The following MGAT4C variants were observed in gnomAD, a reference collection of about 807,000 sequenced individuals.
MGAT4C encodes the protein alpha-1,3-mannosyl-glycoprotein 4-beta-N-acetylglucosaminyltransferase C.
MGAT4C carries 19 observed loss-of-function variants against 40.1 expected under a neutral mutation model. The observed-to-expected ratio is 0.47, with a 90% confidence interval of 0.33 to 0.70. MGAT4C has a LOEUF of 0.70. Among genes scored for constraint, MGAT4C ranks in the 30% least tolerant of loss-of-function variants. The pLI is 0.02. For synonymous variants in MGAT4C, 181 were observed against 187.1 expected (o/e 0.97, Z 0.27); for missense variants, 491 against 563.2 (o/e 0.87, Z 1.30).
intron 3 of MGAT4C, among the ~76,000 whole-genome samples, chr12:86,356,659 A>T (rs929994524): frequency 1.3e-5 from 2 of 152,126 alleles, no homozygotes; most frequent in Non-Finnish European, 2.9e-5. Flanking sequence ...AGCAAATGGC[A>T]CACCAGGAGA....
chr12:86,632,771 G>A (rs1267876693), intron 2 of MGAT4C, among the ~76,000 whole-genome samples: 1 of 150,266 alleles, frequency 6.7e-6, no homozygotes, highest in African/African-American at 2.5e-5. Flanking sequence ...GTGGGGGGAT[G>A]GGGGAGGGAT....
intron 2 of MGAT4C, among the ~76,000 whole-genome samples, chr12:86,029,649 T>A (rs1234052920): frequency 6.6e-6 from 1 of 151,982 alleles, no homozygotes; most frequent in Non-Finnish European, 1.5e-5. Context: ...TCTATTTTCA[T>A]TTTCTTCAAC....
At chr12:86,430,597 G>A (rs147117193) in intron 3 of MGAT4C, among the ~76,000 whole-genome samples, 1 of 152,242 alleles carries the variant, frequency 6.6e-6, no homozygotes, top group Non-Finnish European at 1.5e-5. Context: ...GAGTTGCTGG[G>A]TGAGTACTGT....
intron 2 of MGAT4C, among the ~76,000 whole-genome samples, chr12:86,450,066 G>T (rs370199095): frequency 6.0e-4 from 91 of 152,092 alleles, no homozygotes; most frequent in African/African-American, 2.1e-3. Context: ...TTTGAACATT[G>T]TATCTCATTT....
chr12:86,175,194 T>G (rs547136188), intron 1 of MGAT4C, among the ~76,000 whole-genome samples: 1 of 152,300 alleles, frequency 6.6e-6, no homozygotes, highest in African/African-American at 2.4e-5. Context: ...TTTTGAAGTC[T>G]TTGTAAAAAA....
At chr12:86,266,349 T>C (rs975241747) in intron 4 of MGAT4C, among the ~76,000 whole-genome samples, 1 of 152,102 alleles carries the variant, frequency 6.6e-6, no homozygotes, top group African/African-American at 2.4e-5. Context: ...ATCATGAAAA[T>C]ATGTTGAATT....
At chr12:86,045,407 T>C (rs1665516839) in intron 2 of MGAT4C, among the ~76,000 whole-genome samples, 1 of 152,134 alleles carries the variant, frequency 6.6e-6, no homozygotes, top group Non-Finnish European at 1.5e-5. Context: ...TATGCATTAC[T>C]TGCATGACTC....
At chr12:86,154,920 G>A (rs1346403970) in intron 1 of MGAT4C, among the ~76,000 whole-genome samples, 2 of 151,990 alleles carry the variant, frequency 1.3e-5, no homozygotes, top group African/African-American at 4.8e-5. Flanking sequence ...ATATTACGGT[G>A]GAAATAAGAC....
At chr12:86,308,627 T>C in intron 4 of MGAT4C, among the ~76,000 whole-genome samples, 1 of 150,610 alleles carries the variant, frequency 6.6e-6, no homozygotes, top group East Asian at 1.9e-4. Context: ...TTTCAGTAAA[T>C]AGATTTTTAA....
chr12:86,430,197 G>T (rs1957005827), intron 3 of MGAT4C, among the ~76,000 whole-genome samples: 1 of 151,692 alleles, frequency 6.6e-6, no homozygotes, highest in Non-Finnish European at 1.5e-5. Context: ...ATATTTTCTG[G>T]TACTCCATGC....
chr12:86,647,707 T>C (rs184247802), intron 2 of MGAT4C, among the ~76,000 whole-genome samples: 1 of 151,986 alleles, frequency 6.6e-6, no homozygotes, highest in Admixed American at 6.6e-5. Context: ...TAACAAGTAT[T>C]TTGTGGAATG....
At chr12:86,289,351 G>A (rs1953443473) in intron 4 of MGAT4C, among the ~76,000 whole-genome samples, 1 of 152,054 alleles carries the variant, frequency 6.6e-6, no homozygotes, top group African/African-American at 2.4e-5. Context: ...GATGCCTCGG[G>A]CTGTGTTCTT....
chr12:86,149,197 A>T (rs1017123443), intron 1 of MGAT4C, among the ~76,000 whole-genome samples: 5 of 151,934 alleles, frequency 3.3e-5, no homozygotes, highest in Admixed American at 1.3e-4. Flanking sequence ...TTACTTTTAA[A>T]TTTTTTTCAT....
chr12:86,393,301 C>A (rs1956189441), intron 3 of MGAT4C, among the ~76,000 whole-genome samples: 1 of 152,062 alleles, frequency 6.6e-6, no homozygotes, highest in Non-Finnish European at 1.5e-5. Context: ...ATTTGTATCA[C>A]TTTCTTAATT....
At chr12:86,667,659 T>C (rs141728146) in intron 2 of MGAT4C, among the ~76,000 whole-genome samples, 9 of 152,306 alleles carry the variant, frequency 5.9e-5, no homozygotes, top group Non-Finnish European at 1.0e-4. Flanking sequence ...TGTAAACAAA[T>C]GAGTATGGCT....
chr12:86,425,879 G>A (rs984443055), intron 3 of MGAT4C, among the ~76,000 whole-genome samples: 1 of 151,920 alleles, frequency 6.6e-6, no homozygotes, highest in Non-Finnish European at 1.5e-5. Context: ...CTTCTAATTT[G>A]CAAATGACTT....
intron 1 of MGAT4C, among the ~76,000 whole-genome samples, chr12:86,813,103 G>A (rs2136217879): frequency 6.6e-6 from 1 of 152,050 alleles, no homozygotes; most frequent in Middle Eastern, 3.4e-3. Flanking sequence ...CCAGTTGTCA[G>A]CATTGTCTTT....
At chr12:86,283,963 T>C (rs1390731938) in intron 4 of MGAT4C, among the ~76,000 whole-genome samples, 2 of 152,136 alleles carry the variant, frequency 1.3e-5, no homozygotes, top group East Asian at 3.9e-4. Flanking sequence ...TTAAATCTAC[T>C]ACAAACATTA....
intron 1 of MGAT4C, among the ~76,000 whole-genome samples, chr12:86,059,266 T>C (rs1893700351): frequency 6.6e-6 from 1 of 152,148 alleles, no homozygotes; most frequent in East Asian, 1.9e-4. Flanking sequence ...AGTCTTGAAT[T>C]CCTGACCTCA....
Sources: allele counts gnomAD v4.1 joint callset (sites outside exome capture counted in the v4.1 genomes callset), GRCh38; gene constraint gnomAD v4.1.1; transcripts MANE v1.5; gene names NCBI Gene and HGNC (gene_info 2026-07-23, HGNC 2026-07-21).